Variants in NME7 observed in about 807,000 individuals in gnomAD.
NME7 encodes the protein NME/NM23 family member 7, also known as nucleoside diphosphate kinase 7.
In NME7, 41 loss-of-function variants were observed where a neutral mutation model predicts 49.1. The observed-to-expected ratio is 0.83, with a 90% CI of 0.65 to 1.08. The LOEUF is 1.08. Among genes scored for constraint, NME7 ranks in the 50% least tolerant of loss-of-function variants. NME7 has a pLI of 0.00. For synonymous variants in NME7, 139 were observed against 150.6 expected, an observed-to-expected ratio of 0.92 and a Z score of 0.56; for missense variants, 423 against 463.4, an observed-to-expected ratio of 0.91 and a Z score of 0.80.
chr1:169,250,302 G>C (rs1648508467), intron 7 of NME7, among the ~76,000 whole-genome samples: 1 of 151,894 alleles, frequency 6.6e-6, no homozygotes, highest in African/African-American at 2.4e-5. Context: ...TTTTATTTCT[G>C]TGGGGTTGGT....
chr1:169,152,067 T>TA (rs1407739965), intron 11 of NME7, among the ~76,000 whole-genome samples: 2 of 152,316 alleles, frequency 1.3e-5, no homozygotes, highest in East Asian at 3.9e-4. Context: ...ACAGTGAAAT[T>TA]AGAGTTTTAA....
At chr1:169,275,344 T>A (rs1378670814) in intron 7 of NME7, among the ~76,000 whole-genome samples, 1 of 129,094 alleles carries the variant, frequency 7.7e-6, no homozygotes, top group Non-Finnish European at 1.8e-5. Context: ...CCGGGCATGG[T>A]GGCGCGTGCC....
chr1:169,303,015 T>G, intron 5 of NME7, 130 bp downstream of exon 5: 1 of 539,570 alleles, frequency 1.9e-6, no homozygotes. Flanking sequence ...TAGAATTCTG[T>G]GCAGTTGCAA....
chr1:169,223,346 T>G (rs918153339), intron 10 of NME7, among the ~76,000 whole-genome samples: 2 of 152,160 alleles, frequency 1.3e-5, no homozygotes. Flanking sequence ...TTAACTATAA[T>G]GTTAAGGGTT....
chr1:169,222,149 C>T (rs1326047647), intron 10 of NME7, among the ~76,000 whole-genome samples: 1 of 151,868 alleles, frequency 6.6e-6, no homozygotes, highest in Non-Finnish European at 1.5e-5. Context: ...ACTTCCTTAA[C>T]TCAGGTTGCT....
At chr1:169,137,962 T>G (rs1658478787) in intron 11 of NME7, among the ~76,000 whole-genome samples, 1 of 152,244 alleles carries the variant, frequency 6.6e-6, no homozygotes. Context: ...TAACAGTGTC[T>G]TCTTCAGATA....
intron 1 of NME7, among the ~76,000 whole-genome samples, chr1:169,332,892 C>T (rs1557826110): frequency 1.3e-5 from 2 of 152,102 alleles, no homozygotes; most frequent in Non-Finnish European, 2.9e-5. Context: ...TTAAAACAAC[C>T]ACTATGGAGA....
chr1:169,349,530 T>G (rs1385756212), intron 1 of NME7, among the ~76,000 whole-genome samples: 2 of 152,172 alleles, frequency 1.3e-5, no homozygotes, highest in Non-Finnish European at 2.9e-5. Context: ...TCTAACAAAT[T>G]ACATAACAGT....
At chr1:169,313,449 C>G (rs1396831839) in intron 3 of NME7, among the ~76,000 whole-genome samples, 9 of 152,130 alleles carry the variant, frequency 5.9e-5, no homozygotes, top group Admixed American at 1.3e-4. Context: ...ATCATCTAAG[C>G]AGTCTCAAAA....
At chr1:169,231,680 T>C (rs1375965878) in intron 9 of NME7, among the ~76,000 whole-genome samples, 3 of 151,350 alleles carry the variant, frequency 2.0e-5, no homozygotes, top group African/African-American at 4.8e-5. Context: ...GAAGAGTTTA[T>C]GTTTCTACCA....
chr1:169,286,024 C>T (rs1211933907), intron 7 of NME7: 1 of 151,990 alleles, frequency 6.6e-6, no homozygotes, highest in African/African-American at 2.4e-5. Flanking sequence ...TATCCAAATA[C>T]CATACTACAT....
chr1:169,152,713 T>C (rs1658946522), intron 11 of NME7, among the ~76,000 whole-genome samples: 1 of 152,200 alleles, frequency 6.6e-6, no homozygotes, highest in Non-Finnish European at 1.5e-5. Flanking sequence ...TGAATGGTCC[T>C]ATTTTAGACT....
intron 10 of NME7, among the ~76,000 whole-genome samples, chr1:169,212,698 C>G (rs1394185802): frequency 6.7e-6 from 1 of 149,686 alleles, no homozygotes; most frequent in African/African-American, 2.5e-5. Flanking sequence ...AAGTCCTGGG[C>G]TCAAGTGATT....
intron 11 of NME7, among the ~76,000 whole-genome samples, chr1:169,140,207 G>C (rs1658549314): frequency 6.6e-6 from 1 of 152,046 alleles, no homozygotes; most frequent in Non-Finnish European, 1.5e-5. Context: ...ATAGGTAAAG[G>C]GCTTGTGGAA....
chr1:169,344,632 G>A (rs1368884759), intron 1 of NME7, among the ~76,000 whole-genome samples: 1 of 148,690 alleles, frequency 6.7e-6, no homozygotes. Context: ...ATAATTATGT[G>A]TGTTTTATCC....
In NME7 at chr1:169,257,401, CA is replaced by C. The variant is rs370463106; in HGVS notation, c.755-19715del. 2.5e-4 allele frequency among the ~76,000 whole-genome samples: 34 copies of C among 134,836 alleles called. 2 individuals carry two copies. The East Asian group carries it at 6.2e-3, about 24-fold the overall frequency. The allele number at this position is 134,836 out of a possible 152,430, so 88.5% of individuals were successfully genotyped here. On this transcript the variant is annotated intron_variant, in intron 7 of 11. Coordinates refer to ENST00000367811, the MANE Select transcript of NME7 (RefSeq NM_013330.5). ...GACCCCTTGCGCTTCCCAAGTGAGG[CA>C]ATGCCTCGCCCTGCTTCGGCTTGCG...
chr1:169,367,251 T>A (rs1653904983), intron 1 of NME7, among the ~76,000 whole-genome samples: 1 of 152,156 alleles, frequency 6.6e-6, no homozygotes, highest in Non-Finnish European at 1.5e-5. Flanking sequence ...CACCTGTTAA[T>A]GGCCCTCGTG....
At chr1:169,153,774 T>A (rs1175402865) in intron 11 of NME7, among the ~76,000 whole-genome samples, 1 of 152,102 alleles carries the variant, frequency 6.6e-6, no homozygotes, top group Non-Finnish European at 1.5e-5. Context: ...CATGGCTCAC[T>A]GCAATCTCGA....
intron 7 of NME7, among the ~76,000 whole-genome samples, chr1:169,254,230 A>T (rs1423133203): frequency 1.3e-5 from 2 of 151,682 alleles, no homozygotes; most frequent in East Asian, 4.2e-4. Flanking sequence ...GATTCTTGCC[A>T]CAATTTCAGA....
Sources: allele counts gnomAD v4.1 joint callset (sites outside exome capture counted in the v4.1 genomes callset), GRCh38; gene constraint gnomAD v4.1.1; transcripts MANE v1.5; gene names NCBI Gene and HGNC (gene_info 2026-07-23, HGNC 2026-07-21).